Variants in THRB observed in about 807,000 individuals in gnomAD.
The protein encoded by THRB is nuclear receptor subfamily 1 group A member 2.
Under a neutral mutation model 47.8 loss-of-function variants are expected in THRB, and 12 were observed. The ratio of observed to expected loss-of-function variants is 0.25; its 90% confidence interval spans 0.16 to 0.41. THRB has a LOEUF of 0.41. Among genes scored for constraint, THRB ranks in the 10% least tolerant of loss-of-function variants. THRB has a pLI of 1.00. For synonymous variants in THRB, 218 were observed against 212.2 expected (o/e 1.03, Z -0.24); for missense variants, 348 against 589.2 (o/e 0.59, Z 4.24).
intron 5 of THRB, among the ~76,000 whole-genome samples, chr3:24,176,558 G>A (rs939542718): frequency 1.1e-4 from 17 of 152,128 alleles, no homozygotes; most frequent in African/African-American, 4.1e-4. Context: ...TTTATTCTTT[G>A]TCAGTAAAGG....
Position 24,121,256 on chromosome 3 carries a change from C to T in THRB, c.*1628G>A, listed in dbSNP as rs942277429. On this transcript the variant is annotated 3_prime_UTR_variant, in exon 11 of 11. Coordinates refer to ENST00000646209, the MANE Select transcript of THRB (RefSeq NM_001354712.2). Reference sequence around the variant, plus strand: ...TACAAATCTACCAGTTGACAGAGCACGAACTAGAACTCAGGCACCCAGACT... The same window carrying T: ...TACAAATCTACCAGTTGACAGAGCATGAACTAGAACTCAGGCACCCAGACT... 3 of 152,516 alleles carry T rather than the reference C, an allele frequency of 2.0e-5. No individual in the cohort carries two copies. Among genetic ancestry groups the T allele is most frequent in the South Asian group, 2.1e-4 (1 of 4,832 alleles). 9.4% of individuals were successfully genotyped at this position (152,516 alleles called of 1,614,324 possible).
intron 5 of THRB, among the ~76,000 whole-genome samples, chr3:24,158,725 C>T (rs956351146): frequency 6.6e-6 from 1 of 152,152 alleles, no homozygotes; most frequent in Non-Finnish European, 1.5e-5. Context: ...CCACTGCTCC[C>T]GGCCTGAGAA....
intron 1 of THRB, among the ~76,000 whole-genome samples, chr3:24,393,330 T>C (rs1281950205): frequency 6.6e-6 from 1 of 152,204 alleles, no homozygotes; most frequent in Non-Finnish European, 1.5e-5. Context: ...CTCCTTGCAG[T>C]AACTTCTGCT....
Position 24,289,447 on chromosome 3 carries a change from C to G in THRB, c.-43+7779G>C, listed in dbSNP as rs2055693065. Among the ~76,000 whole-genome samples, 4 of 152,202 alleles carry G rather than the reference C, an allele frequency of 2.6e-5. No homozygotes were observed. In the South Asian group the frequency reaches 8.3e-4, roughly 32 times the overall value. ...GTTTTCCCTTCAAAGAGATTGCATT[C>G]CATTTTTTTTTCTTCAGGTAAATAG... On this transcript the variant is annotated intron_variant, in intron 3 of 10. Coordinates refer to ENST00000646209, the MANE Select transcript of THRB (RefSeq NM_001354712.2).
chr3:24,403,957 A>G (rs2067624961), intron 1 of THRB, among the ~76,000 whole-genome samples: 1 of 151,996 alleles, frequency 6.6e-6, no homozygotes. Context: ...GTGAATAAAG[A>G]GTCTGTCACT....
At chr3:24,400,050 A>C (rs2067275160) in intron 1 of THRB, among the ~76,000 whole-genome samples, 1 of 152,126 alleles carries the variant, frequency 6.6e-6, no homozygotes, top group African/African-American at 2.4e-5. Flanking sequence ...ACACCAAATG[A>C]CGGCTTCAAA....
At chr3:24,255,329 C>T (rs533196867) in intron 3 of THRB, among the ~76,000 whole-genome samples, 1 of 152,150 alleles carries the variant, frequency 6.6e-6, no homozygotes, top group South Asian at 2.1e-4. Context: ...CAGTGTAAAA[C>T]AAAAATAACA....
At chr3:24,244,719 A>C (rs940218080) in intron 3 of THRB, among the ~76,000 whole-genome samples, 1 of 152,210 alleles carries the variant, frequency 6.6e-6, no homozygotes, top group Non-Finnish European at 1.5e-5. Context: ...ACAGAGCTCA[A>C]AGTGTCTGTG....
chr3:24,215,680 T>A (rs2149920918), intron 4 of THRB, among the ~76,000 whole-genome samples: 1 of 152,346 alleles, frequency 6.6e-6, no homozygotes, highest in African/African-American at 2.4e-5. Context: ...CCTAACTTCC[T>A]GGGCACACAG....
chr3:24,145,929 G>T (rs947581822), intron 7 of THRB, among the ~76,000 whole-genome samples: 2 of 152,056 alleles, frequency 1.3e-5, no homozygotes, highest in African/African-American at 4.8e-5. Flanking sequence ...CAAAAGGGAG[G>T]CCACACATTC....
At chr3:24,461,848 G>A (rs1028501449) in intron 1 of THRB, among the ~76,000 whole-genome samples, 1 of 152,054 alleles carries the variant, frequency 6.6e-6, no homozygotes, top group South Asian at 2.1e-4. Flanking sequence ...CTTCCCAAAT[G>A]GTCATCAATG....
At chr3:24,200,092 C>A (rs559815755) in intron 4 of THRB, among the ~76,000 whole-genome samples, 13 of 152,218 alleles carry the variant, frequency 8.5e-5, no homozygotes, top group Admixed American at 6.5e-4. Context: ...ACAGAGATTC[C>A]ATTTAGGATA....
In THRB at chr3:24,402,721, T is replaced by C. The variant is rs2067517654; in HGVS notation, c.-260-65350A>G. Among the ~76,000 whole-genome samples, 4 of 152,146 alleles carry C rather than the reference T, an allele frequency of 2.6e-5. No homozygotes were observed. In the South Asian group the frequency reaches 8.3e-4, roughly 32 times the overall value. On this transcript the variant is annotated intron_variant, in intron 1 of 10. Transcript: ENST00000646209. ...ATCATTAAACATCTAGAAGCTGTTA[T>C]CCAGGTTCTCAGTTTTATAAATAAT...
At chr3:24,400,958 A>C (rs2067346090) in intron 1 of THRB, among the ~76,000 whole-genome samples, 1 of 152,054 alleles carries the variant, frequency 6.6e-6, no homozygotes, top group South Asian at 2.1e-4. Flanking sequence ...TGGCATAATT[A>C]CAGGTCTGGT....
intron 3 of THRB, among the ~76,000 whole-genome samples, chr3:24,283,112 C>A (rs1174631891): frequency 6.8e-6 from 1 of 147,254 alleles, no homozygotes; most frequent in Non-Finnish European, 1.5e-5. Flanking sequence ...ATACCAAAGC[C>A]GGGCAGAGAC....
At chr3:24,137,046 T>A (rs1575331934) in intron 8 of THRB, among the ~76,000 whole-genome samples, 1 of 152,252 alleles carries the variant, frequency 6.6e-6, no homozygotes, top group East Asian at 1.9e-4. Flanking sequence ...GACATTTACC[T>A]CATTCAAACA....
chr3:24,172,033 T>C (rs2040505885), intron 5 of THRB, among the ~76,000 whole-genome samples: 1 of 152,178 alleles, frequency 6.6e-6, no homozygotes, highest in African/African-American at 2.4e-5. Context: ...TTAATGCTCC[T>C]CTCTTGGAGA....
At chr3:24,463,477 C>A (rs573904151) in intron 1 of THRB, among the ~76,000 whole-genome samples, 1 of 151,966 alleles carries the variant, frequency 6.6e-6, no homozygotes, top group African/African-American at 2.4e-5. Context: ...CCTGTGTTGC[C>A]CAGGCAGCTC....
At chr3:24,169,388 T>C (rs1476708691) in intron 5 of THRB, among the ~76,000 whole-genome samples, 1 of 152,126 alleles carries the variant, frequency 6.6e-6, no homozygotes, top group Non-Finnish European at 1.5e-5. Flanking sequence ...TTTTGGTCCA[T>C]GAGAGTGAGG....
Sources: allele counts gnomAD v4.1 joint callset (sites outside exome capture counted in the v4.1 genomes callset), GRCh38; gene constraint gnomAD v4.1.1; transcripts MANE v1.5; gene names NCBI Gene and HGNC (gene_info 2026-07-23, HGNC 2026-07-21).